Variants in GUCY1A2 observed in about 807,000 individuals in gnomAD.
The protein encoded by GUCY1A2 is guanylate cyclase 1 soluble subunit alpha 2, also known as guanylate cyclase soluble subunit alpha-2.
Under a neutral mutation model 63.5 loss-of-function variants are expected in GUCY1A2, and 27 were observed. That is an observed-to-expected ratio of 0.43 (90% CI 0.31 to 0.59). The LOEUF (loss-of-function observed/expected upper bound fraction) is 0.59, where lower values mean the gene tolerates loss of function less well. Ranked by LOEUF, GUCY1A2 falls within the 20% of genes least tolerant of loss-of-function variation. The pLI, the probability that GUCY1A2 is intolerant of heterozygous loss-of-function variation, is 0.11. For synonymous variants in GUCY1A2, 364 were observed against 343.5 expected (o/e 1.06, Z -0.66); for missense variants, 768 against 913.3 (o/e 0.84, Z 2.05).
intron 6 of GUCY1A2, among the ~76,000 whole-genome samples, chr11:106,741,698 C>T (rs1482078891): frequency 5.9e-5 from 9 of 152,220 alleles, no homozygotes; most frequent in Non-Finnish European, 4.4e-5. Context: ...TCTACTAGCA[C>T]CACCCACATA....
intron 6 of GUCY1A2, among the ~76,000 whole-genome samples, chr11:106,714,305 C>A (rs1863179632): frequency 6.6e-6 from 1 of 151,918 alleles, no homozygotes; most frequent in South Asian, 2.1e-4. Context: ...CAGCACTGAC[C>A]CACAGTCACT....
At chr11:106,778,025 G>A (rs546192076) in intron 5 of GUCY1A2, among the ~76,000 whole-genome samples, 1 of 152,066 alleles carries the variant, frequency 6.6e-6, no homozygotes, top group East Asian at 1.9e-4. Flanking sequence ...TTTACCCCAG[G>A]TTAAAACTCC....
chr11:106,900,959 G>C (rs1458529676), intron 4 of GUCY1A2, among the ~76,000 whole-genome samples: 1 of 152,112 alleles, frequency 6.6e-6, no homozygotes, highest in African/African-American at 2.4e-5. Context: ...AGGTAGTTCT[G>C]ACAATTTCTT....
intron 4 of GUCY1A2, among the ~76,000 whole-genome samples, chr11:106,821,994 C>T (rs575380178): frequency 6.6e-6 from 1 of 152,218 alleles, no homozygotes; most frequent in African/African-American, 2.4e-5. Context: ...GGCTGACTTG[C>T]ATTAAATATT....
At position 106,754,532 on chromosome 11, in the gene GUCY1A2, C is replaced by T. The variant is rs183091474; in HGVS notation, c.1836+21907G>A. On this transcript the variant is annotated intron_variant, in intron 6 of 7. Coordinates refer to ENST00000526355, the MANE Select transcript of GUCY1A2 (RefSeq NM_000855.3). Reference sequence around the variant, plus strand: ...CTTATTATTTTGAGATATGTTCCATCGATACCTAGTTTATTGTGAGTTTTT... The same window carrying T: ...CTTATTATTTTGAGATATGTTCCATTGATACCTAGTTTATTGTGAGTTTTT... Among the ~76,000 whole-genome samples the T allele has an allele frequency of 7.6e-4, 116 of 152,238 alleles. 1 individual carries two copies. The highest frequency in any genetic ancestry group is 1.3e-3 in the Non-Finnish European group (90 of 68,026).
Position 106,940,044 on chromosome 11 carries a change from C to G in GUCY1A2, c.622G>C (p.Glu208Gln). ...TTTCCAAAAGAAGTTCTAATGTGTT[C>G]CAACAAAGCATCAAAGCCGTTAAAA... is the stretch of plus-strand genomic sequence containing the variant. Reference protein sequence around the residue: ...DFFNGFDALLEHIRTSFGKQA... With the variant: ...DFFNGFDALLQHIRTSFGKQA... Residue 208 changes from glutamate (E) to glutamine (Q), a missense_variant, in exon 4 of 8, where the codon GAA becomes CAA. Physicochemically the swap from Glu to Gln is conservative, Grantham distance 29. Around this residue, in one of 3 missense-constraint regions of GUCY1A2, gnomAD observed 496 missense variants for 486.9 expected, o/e 1.02. Coordinates refer to ENST00000526355, the MANE Select transcript of GUCY1A2 (RefSeq NM_000855.3). 3 of 1,613,876 alleles carry G rather than the reference C, an allele frequency of 1.9e-6. No individual in the cohort carries two copies. The highest frequency in any genetic ancestry group is 2.5e-6 in the Non-Finnish European group (3 of 1,179,812).
chr11:106,798,221 T>C (rs1445483470), intron 5 of GUCY1A2, among the ~76,000 whole-genome samples: 2 of 152,142 alleles, frequency 1.3e-5, no homozygotes, highest in Admixed American at 6.5e-5. Context: ...CAGGAAGAAG[T>C]TGAATCCCTG....
intron 3 of GUCY1A2, among the ~76,000 whole-genome samples, chr11:106,947,288 C>A (rs1314630075): frequency 4.0e-5 from 6 of 150,930 alleles, no homozygotes; most frequent in African/African-American, 1.5e-4. Context: ...TAATACATGT[C>A]TCTCAGTACC....
chr11:106,751,615 C>A (rs989154895), intron 6 of GUCY1A2, among the ~76,000 whole-genome samples: 1 of 151,928 alleles, frequency 6.6e-6, no homozygotes, highest in Non-Finnish European at 1.5e-5. Flanking sequence ...CCAGTATTTT[C>A]TAATTTGCCA....
intron 4 of GUCY1A2, among the ~76,000 whole-genome samples, chr11:106,838,082 T>C (rs896713976): frequency 6.6e-6 from 1 of 151,940 alleles, no homozygotes; most frequent in African/African-American, 2.4e-5. Context: ...TTCTGGGAGA[T>C]GCTTTCCCAA....
intron 5 of GUCY1A2, among the ~76,000 whole-genome samples, chr11:106,783,074 C>T (rs1039726517): frequency 4.6e-5 from 7 of 152,134 alleles, no homozygotes; most frequent in African/African-American, 1.7e-4. Flanking sequence ...CCCAGCCTTT[C>T]GTTGTTCCTG....
chr11:106,854,552 G>T (rs141810875), intron 4 of GUCY1A2, among the ~76,000 whole-genome samples: 2 of 152,256 alleles, frequency 1.3e-5, no homozygotes, highest in East Asian at 3.9e-4. Flanking sequence ...CAGGCAAAGC[G>T]GGGTAGTACC....
chr11:106,963,234 G>A (rs1303477900), intron 3 of GUCY1A2, among the ~76,000 whole-genome samples: 1 of 152,136 alleles, frequency 6.6e-6, no homozygotes, highest in Non-Finnish European at 1.5e-5. Flanking sequence ...CTACAGAGGA[G>A]AATATGTCAA....
chr11:106,946,329 G>A (rs1159424717), intron 3 of GUCY1A2, among the ~76,000 whole-genome samples: 1 of 152,086 alleles, frequency 6.6e-6, no homozygotes, highest in East Asian at 1.9e-4. Flanking sequence ...TTATGTATAT[G>A]TCAACATGAT....
chr11:106,689,632 A>G (rs910283221), intron 7 of GUCY1A2, among the ~76,000 whole-genome samples: 1 of 152,184 alleles, frequency 6.6e-6, no homozygotes, highest in Admixed American at 6.5e-5. Flanking sequence ...ATCACTGATC[A>G]TTAGAGAAAT....
intron 4 of GUCY1A2, among the ~76,000 whole-genome samples, chr11:106,880,579 C>G (rs1859810320): frequency 1.3e-5 from 2 of 152,018 alleles, no homozygotes; most frequent in African/African-American, 4.8e-5. Flanking sequence ...AAGTTGCATG[C>G]TAACAATAAA....
intron 4 of GUCY1A2, among the ~76,000 whole-genome samples, chr11:106,914,444 C>T (rs1046264209): frequency 4.6e-5 from 7 of 152,050 alleles, no homozygotes; most frequent in Admixed American, 6.6e-5. Flanking sequence ...GTTTAGTTAC[C>T]TTAACATGTT....
chr11:106,688,960 A>C (rs1253735025), intron 7 of GUCY1A2, among the ~76,000 whole-genome samples: 1 of 152,208 alleles, frequency 6.6e-6, no homozygotes, highest in Non-Finnish European at 1.5e-5. Flanking sequence ...CCCTAAACTA[A>C]GAGTTTAGAC....
intron 5 of GUCY1A2, among the ~76,000 whole-genome samples, chr11:106,787,601 A>AGGGTGAGGGAGGGGGGAGGACGG (rs1218732078): frequency 1.2e-5 from 1 of 82,086 alleles, no homozygotes; most frequent in Non-Finnish European, 2.7e-5. Context: ...AGGGAAGGGA[A>AGGGTGAGGGAGGGGGGAGGACGG]AAAGAGAAAG....
Sources: gnomAD v4.1 joint callset for allele counts (sites outside exome capture counted in the v4.1 genomes callset) on GRCh38, gnomAD v4.1.1 for gene constraint, gnomAD v4.1.1 regional missense constraint, MANE v1.5 for transcripts, NCBI Gene and HGNC (gene_info 2026-07-23, HGNC 2026-07-21) for gene names.